PIK3AP1: variants seen among roughly 807,000 people sequenced by gnomAD.
PIK3AP1 encodes the protein phosphoinositide-3-kinase adaptor protein 1.
In PIK3AP1, 21 loss-of-function variants were observed where a neutral mutation model predicts 88.1. The observed-to-expected ratio is 0.24, with a 90% confidence interval of 0.17 to 0.34. The LOEUF (loss-of-function observed/expected upper bound fraction) is 0.34, where lower values mean the gene tolerates loss of function less well. Among genes scored for constraint, PIK3AP1 ranks in the 10% least tolerant of loss-of-function variants. PIK3AP1 has a pLI of 1.00. For synonymous variants in PIK3AP1, 398 were observed against 400.0 expected, an observed-to-expected ratio of 1.00 and a Z score of 0.06; for missense variants, 828 against 1,035.7, an observed-to-expected ratio of 0.80 and a Z score of 2.75.
chr10:96,641,124 TGC>T (rs1554956933), intron 8 of PIK3AP1, among the ~76,000 whole-genome samples: 18 of 109,846 alleles, frequency 1.6e-4, no homozygotes, highest in African/African-American at 4.9e-4. Flanking sequence ...TGTGTGTGTG[TGC>T]GTGTGCATGT....
At chr10:96,600,494 G>A (rs1195617897) in intron 16 of PIK3AP1, among the ~76,000 whole-genome samples, 1 of 152,168 alleles carries the variant, frequency 6.6e-6, no homozygotes, top group Non-Finnish European at 1.5e-5. Flanking sequence ...ATTCTAATCC[G>A]TGCCTTCCAG....
At chr10:96,603,955 G>A (rs1347449009) in intron 15 of PIK3AP1, 24 bp downstream of exon 15, 3 of 1,565,426 alleles carry the variant, frequency 1.9e-6, no homozygotes, top group Non-Finnish European at 2.6e-6. Context: ...GACAGGATAG[G>A]TGGGGTGGAG....
At chr10:96,679,459 C>T (rs761548281) in intron 2 of PIK3AP1, among the ~76,000 whole-genome samples, 4 of 151,218 alleles carry the variant, frequency 2.6e-5, no homozygotes, top group Non-Finnish European at 5.9e-5. Context: ...ACCTGGGAGG[C>T]GGAAGTTGCA....
At chr10:96,612,974 ATATATATATTTTTTTTTTTTTTTT>A (rs1276628704) in intron 13 of PIK3AP1, among the ~76,000 whole-genome samples, 22 of 84,854 alleles carry the variant, frequency 2.6e-4, no homozygotes, top group East Asian at 2.3e-3. Flanking sequence ...ATATATATAT[ATATATATATTTTTTTTTTTTTTTT>A]TTTTTTTTTT....
chr10:96,632,365 T>C (rs1360079683), intron 8 of PIK3AP1, among the ~76,000 whole-genome samples: 3 of 152,170 alleles, frequency 2.0e-5, no homozygotes, highest in African/African-American at 4.8e-5. Flanking sequence ...GTAAGAACTC[T>C]GATGTTTTTG....
chr10:96,649,053 A>AT (rs530885995), intron 6 of PIK3AP1, among the ~76,000 whole-genome samples, 198 bp from the exon 7 acceptor site: 13 of 151,996 alleles, frequency 8.6e-5, no homozygotes, highest in Admixed American at 5.2e-4. Flanking sequence ...AGAGGACATA[A>AT]TTTTTTTTGT....
At position 96,656,806 on chromosome 10, in the gene PIK3AP1, G is replaced by A. The variant is rs148582013; in HGVS notation, c.559C>T (p.Arg187Cys). Reference protein sequence around the residue: ...NLMVVQPDRIRCGAETTVYVI... With the variant: ...NLMVVQPDRICCGAETTVYVI... The stretch of plus-strand genomic sequence containing the variant: ...CCCCCAGCAGTGCCTACCCCACAGC[G>A]AATGCGGTCCGGCTGCACCACCATC... The change falls in exon 3 of 17, where the codon CGC becomes TGC. Residue 187 changes from arginine to cysteine, a missense_variant. Transcript: ENST00000339364. 1.2e-6 allele frequency: 2 copies of A among 1,613,996 alleles called. No homozygotes were observed. The highest frequency in any genetic ancestry group is 1.1e-5 in the South Asian group (1 of 91,078).
chr10:96,666,955 G>C (rs1017688525), intron 2 of PIK3AP1, among the ~76,000 whole-genome samples: 2 of 151,948 alleles, frequency 1.3e-5, no homozygotes, highest in Admixed American at 1.3e-4. Context: ...TCCTGGTCTG[G>C]GGTTGTGACT....
chr10:96,700,968 G>C (rs1000495945), intron 2 of PIK3AP1: 29 of 852,108 alleles, frequency 3.4e-5, no homozygotes, highest in Non-Finnish European at 1.4e-6. Context: ...GCCTATAACA[G>C]ACCACAGGGC....
chr10:96,640,603 A>G (rs538586489), intron 8 of PIK3AP1, among the ~76,000 whole-genome samples: 1 of 152,234 alleles, frequency 6.6e-6, no homozygotes, highest in African/African-American at 2.4e-5. Context: ...CTTAATAAAG[A>G]CATTTTATCT....
intron 1 of PIK3AP1, among the ~76,000 whole-genome samples, chr10:96,711,167 C>G (rs1301888348): frequency 1.3e-5 from 2 of 152,180 alleles, no homozygotes; most frequent in African/African-American, 4.8e-5. Context: ...GGTTAAGGGA[C>G]TTGCTCAACT....
chr10:96,654,199 A>C (rs1353465091), intron 3 of PIK3AP1, among the ~76,000 whole-genome samples: 9 of 151,912 alleles, frequency 5.9e-5, no homozygotes, highest in Non-Finnish European at 2.9e-5. Context: ...TAGCTCTTTT[A>C]GCTTGCTTTA....
At chr10:96,712,284 G>A (rs962014360) in intron 1 of PIK3AP1, among the ~76,000 whole-genome samples, 1 of 152,132 alleles carries the variant, frequency 6.6e-6, no homozygotes. Flanking sequence ...AAACCAGTCC[G>A]CAATTCTGAC....
At chr10:96,698,011 T>C (rs1844244595) in intron 2 of PIK3AP1, among the ~76,000 whole-genome samples, 1 of 152,238 alleles carries the variant, frequency 6.6e-6, no homozygotes. Context: ...AGAGAACTGC[T>C]TGGTTCTCTC....
intron 2 of PIK3AP1, among the ~76,000 whole-genome samples, chr10:96,662,884 G>A (rs1350797488): frequency 2.0e-4 from 6 of 29,714 alleles, no homozygotes; most frequent in Admixed American, 1.3e-3. Context: ...GCGAGACTCC[G>A]TCTCAAAAAA....
intron 2 of PIK3AP1, among the ~76,000 whole-genome samples, chr10:96,667,993 T>TG (rs1335766612): frequency 1.3e-5 from 2 of 152,232 alleles, no homozygotes; most frequent in Non-Finnish European, 2.9e-5. Context: ...CAAGAGATAC[T>TG]GGTTTTTTCA....
intron 2 of PIK3AP1, among the ~76,000 whole-genome samples, chr10:96,707,693 C>T (rs906696222): frequency 5.3e-5 from 8 of 152,150 alleles, no homozygotes; most frequent in African/African-American, 1.4e-4. Flanking sequence ...GGCTGGCCTG[C>T]GAGATCCTAA....
chr10:96,670,208 A>G (rs1843826395), intron 2 of PIK3AP1, among the ~76,000 whole-genome samples: 1 of 151,820 alleles, frequency 6.6e-6, no homozygotes, highest in Middle Eastern at 3.5e-3. Context: ...GTGCTTGCAC[A>G]TGAAAAATTC....
intron 2 of PIK3AP1, among the ~76,000 whole-genome samples, chr10:96,680,002 T>G (rs1425893745): frequency 1.3e-5 from 2 of 152,142 alleles, no homozygotes; most frequent in Non-Finnish European, 2.9e-5. Flanking sequence ...GGACTCCCAC[T>G]ATCATGTCCA....
Sources: gnomAD v4.1 joint callset for allele counts (sites outside exome capture counted in the v4.1 genomes callset) on GRCh38, gnomAD v4.1.1 for gene constraint, MANE v1.5 for transcripts, NCBI Gene and HGNC (gene_info 2026-07-23, HGNC 2026-07-21) for gene names.